DAP3: variants seen among roughly 807,000 people sequenced by gnomAD.
DAP3 encodes death associated protein 3, also known as small ribosomal subunit protein mS29.
DAP3 carries 28 observed loss-of-function variants against 51.9 expected under a neutral mutation model. The ratio of observed to expected loss-of-function variants is 0.54; its 90% confidence interval spans 0.40 to 0.74. The LOEUF (loss-of-function observed/expected upper bound fraction) is 0.74, where lower values mean the gene tolerates loss of function less well. Ranked by LOEUF, DAP3 falls within the 30% of genes least tolerant of loss-of-function variation. DAP3 has a pLI of 0.00. For missense variants in DAP3, 458 were observed against 483.5 expected, an observed-to-expected ratio of 0.95 and a Z score of 0.49; for synonymous variants, 170 against 170.3, an observed-to-expected ratio of 1.00 and a Z score of 0.01.
intron 2 of DAP3, 103 bp downstream of exon 2, chr1:155,709,927 A>C: frequency 4.7e-6 from 5 of 1,065,606 alleles, no homozygotes; most frequent in Non-Finnish European, 5.5e-6. Flanking sequence ...TGCTCTGGAA[A>C]ACTTCATATG....
intron 11 of DAP3, 21 bp from the exon 12 acceptor site, chr1:155,736,925 C>G (rs764758913): frequency 1.0e-5 from 16 of 1,576,956 alleles, no homozygotes; most frequent in African/African-American, 1.3e-5. Flanking sequence ...AACATGTTTC[C>G]TGATCCTTTT....
chr1:155,698,761 C>G (rs901451297), intron 1 of DAP3, among the ~76,000 whole-genome samples: 2 of 152,156 alleles, frequency 1.3e-5, no homozygotes, highest in Non-Finnish European at 2.9e-5. Flanking sequence ...ACTTTTACAC[C>G]ACTACGCTTC....
chr1:155,725,637 C>G, intron 5 of DAP3, 147 bp downstream of exon 5: 2 of 785,960 alleles, frequency 2.5e-6, no homozygotes, highest in South Asian at 3.5e-5. Context: ...CCGAGGCAGG[C>G]GTATCGCCTG....
At chr1:155,692,877 C>T (rs961479174) in intron 1 of DAP3, among the ~76,000 whole-genome samples, 1 of 142,080 alleles carries the variant, frequency 7.0e-6, no homozygotes, top group Non-Finnish European at 1.5e-5. Context: ...GTTGGTCTAT[C>T]CGGGTCTGAT....
At chr1:155,699,212 C>G (rs940247701) in intron 1 of DAP3, among the ~76,000 whole-genome samples, 3 of 152,198 alleles carry the variant, frequency 2.0e-5, no homozygotes, top group Non-Finnish European at 4.4e-5. Context: ...GTACGTCATA[C>G]ACGTAATGTG....
intron 3 of DAP3, among the ~76,000 whole-genome samples, chr1:155,718,896 T>G (rs1657664987): frequency 6.6e-6 from 1 of 152,154 alleles, no homozygotes; most frequent in Non-Finnish European, 1.5e-5. Context: ...CCTCTGGGGT[T>G]TCTATGGAAA....
rs772546005 is a variant in DAP3 at position 155,725,442 on chromosome 1, T to G, written c.331T>G (p.Tyr111Asp). ...GAAACCAGCCCTAGAACTTCTGCAT[T>G]ACCTGAAAAACACCAGTTTTGCTTA... The part of the protein sequence containing the change: ...VRKPALELLH[Y>D]LKNTSFAYPA... Residue 111 changes from tyrosine to aspartate, a missense_variant, in exon 5 of 13, where the codon TAC (tyrosine) becomes GAC (aspartate). Tyr to Asp is a radical substitution (Grantham distance 160). Coordinates refer to ENST00000368336, the MANE Select transcript of DAP3 (RefSeq NM_004632.4). 8 of 1,614,204 alleles carry G rather than the reference T, an allele frequency of 5.0e-6. No homozygotes were observed. The highest frequency in any genetic ancestry group is 4.5e-5 in the East Asian group (2 of 44,890).
intron 1 of DAP3, among the ~76,000 whole-genome samples, chr1:155,702,803 TA>T (rs1240517717): frequency 1.3e-5 from 2 of 151,896 alleles, no homozygotes; most frequent in Non-Finnish European, 2.9e-5. Context: ...ACTCCGTCTT[TA>T]CTAAAAATAC....
chr1:155,713,166 A>G (rs766551791), intron 2 of DAP3, among the ~76,000 whole-genome samples: 38 of 152,204 alleles, frequency 2.5e-4, no homozygotes, highest in East Asian at 3.8e-4. Context: ...GAGATAATTT[A>G]TACCTCACAC....
chr1:155,703,427 C>T lies in DAP3; in HGVS notation c.-7-6346C>T, dbSNP rs189316832. Among the ~76,000 whole-genome samples the T allele has an allele frequency of 1.4e-4, 21 of 152,248 alleles. No homozygotes were observed. In the South Asian group the frequency reaches 1.7e-3, roughly 12 times the overall value. ...TGTCACATGAACGGTATGGGGAAAC[C>T]GCCCCCATGATTCAATTATCTACCA... On this transcript the variant is annotated intron_variant, in intron 1 of 12. Coordinates refer to ENST00000368336, the MANE Select transcript of DAP3 (RefSeq NM_004632.4).
chr1:155,703,956 C>T (rs1020387259), intron 1 of DAP3, among the ~76,000 whole-genome samples: 1 of 152,268 alleles, frequency 6.6e-6, no homozygotes, highest in African/African-American at 2.4e-5. Context: ...GAGATCAGCC[C>T]AGGCAACATA....
At chr1:155,733,510 T>G (rs980410840) in intron 11 of DAP3, among the ~76,000 whole-genome samples, 3 of 152,190 alleles carry the variant, frequency 2.0e-5, no homozygotes, top group Non-Finnish European at 4.4e-5. Context: ...ACTTTTTATT[T>G]TGGTGCTCAA....
chr1:155,720,821 G>A (rs1269810784), intron 3 of DAP3, among the ~76,000 whole-genome samples: 3 of 151,932 alleles, frequency 2.0e-5, no homozygotes, highest in Admixed American at 6.6e-5. Flanking sequence ...AGCGGATCAC[G>A]AGGTCAAGAG....
intron 1 of DAP3, among the ~76,000 whole-genome samples, chr1:155,692,802 G>A (rs776888211): frequency 2.1e-5 from 3 of 141,996 alleles, no homozygotes; most frequent in Non-Finnish European, 4.4e-5. Context: ...GATGCTCTAA[G>A]CTTATTATAC....
intron 5 of DAP3, 109 bp downstream of exon 5, chr1:155,725,599 A>G (rs1389233264): frequency 1.9e-6 from 2 of 1,051,098 alleles, no homozygotes; most frequent in African/African-American, 3.2e-5. Context: ...ATGGTAGCTC[A>G]CACCTATAAT....
intron 1 of DAP3, among the ~76,000 whole-genome samples, chr1:155,691,995 G>A (rs1653884767): frequency 7.1e-6 from 1 of 141,672 alleles, no homozygotes; most frequent in Non-Finnish European, 1.5e-5. Context: ...TGTTTATTGA[G>A]TACAGTCACT....
chr1:155,725,600 C>T lies in DAP3; in HGVS notation c.379+110C>T. The stretch of plus-strand genomic sequence containing the variant: ...TGTTGAGGCCGGGCATGGTAGCTCA[C>T]ACCTATAATCCCAGGAGTTTGGGAA... On this transcript the variant is annotated intron_variant, in intron 5 of 12. Transcript: ENST00000368336. The T allele has an allele frequency of 6.8e-6, 7 of 1,023,214 alleles. No individual in the cohort carries two copies. In the South Asian group the frequency reaches 1.0e-4, roughly 15 times the overall value. The allele number at this position is 1,023,214 out of a possible 1,614,324, so 63.4% of individuals were successfully genotyped here. A position where few individuals can be genotyped will look rare whatever the true frequency, so the allele number is the denominator to read the frequency against.
chr1:155,730,218 A>AATATTCATATATGTATATATGTATATATT (rs1659088025), intron 9 of DAP3, among the ~76,000 whole-genome samples: 1 of 148,658 alleles, frequency 6.7e-6, no homozygotes, highest in African/African-American at 2.4e-5. Flanking sequence ...ATGTATATAT[A>AATATTCATATATGTATATATGTATATATT]ATATTCATAT....
At chr1:155,727,763 T>C (rs111474021) in intron 7 of DAP3, 25 bp downstream of exon 7, 1 of 1,611,210 alleles carries the variant, frequency 6.2e-7, no homozygotes, top group Admixed American at 1.7e-5. Flanking sequence ...AGAAGTTGAG[T>C]GCTAGGTAGT....
Sources: gnomAD v4.1 joint callset for allele counts (sites outside exome capture counted in the v4.1 genomes callset) on GRCh38, gnomAD v4.1.1 for gene constraint, MANE v1.5 for transcripts, NCBI Gene and HGNC (gene_info 2026-07-23, HGNC 2026-07-21) for gene names.